Variants in LIPC observed in about 807,000 individuals in gnomAD.
The protein encoded by LIPC is lipase C, hepatic type, also known as hepatic triacylglycerol lipase.
A neutral mutation model predicts 50.7 loss-of-function variants in LIPC; 44 were observed. That is an observed-to-expected ratio of 0.87 (90% CI 0.68 to 1.11). The LOEUF is 1.11. LIPC is among the 50% of genes most tolerant of loss of function. LIPC has a pLI of 0.00. For synonymous variants in LIPC, 271 were observed against 256.4 expected (o/e 1.06, Z -0.54); for missense variants, 697 against 648.2 (o/e 1.08, Z -0.82).
At chr15:58,549,550 G>A (rs1418067571) in intron 6 of LIPC, among the ~76,000 whole-genome samples, 7 of 152,218 alleles carry the variant, frequency 4.6e-5, no homozygotes, top group East Asian at 1.9e-4. Flanking sequence ...AGCAAAACTC[G>A]CGTGGGGTGC....
intron 8 of LIPC, among the ~76,000 whole-genome samples, chr15:58,567,585 T>C (rs1239282767): frequency 6.6e-5 from 10 of 151,868 alleles, no homozygotes; most frequent in Admixed American, 5.3e-4. Context: ...ATACTATACA[T>C]AATAAGTAAA....
At chr15:58,457,078 G>A (rs1316162313) in intron 1 of LIPC, among the ~76,000 whole-genome samples, 1 of 152,142 alleles carries the variant, frequency 6.6e-6, no homozygotes, top group Admixed American at 6.5e-5. Context: ...TGGGCGATGT[G>A]GGCTGAGCAG....
intron 1 of LIPC, among the ~76,000 whole-genome samples, chr15:58,450,972 A>G (rs1746954944): frequency 6.6e-6 from 1 of 152,172 alleles, no homozygotes. Flanking sequence ...ACTTCACATT[A>G]TAAGCCATGA....
At position 58,557,133 on chromosome 15, in the gene LIPC, T is replaced by C. The variant is rs1214311754; in HGVS notation, c.1052-3731T>C. Reference sequence around the variant, plus strand: ...AAGCTAGTGGTCCTGGGTATAAACATGTAAAAGTTCAAGTTCTGGAGTCAG... The same window carrying C: ...AAGCTAGTGGTCCTGGGTATAAACACGTAAAAGTTCAAGTTCTGGAGTCAG... On this transcript the variant is annotated intron_variant, in intron 6 of 8. Coordinates refer to ENST00000299022, the MANE Select transcript of LIPC (RefSeq NM_000236.3). Among the ~76,000 whole-genome samples, 3 of 152,146 alleles carry C rather than the reference T, an allele frequency of 2.0e-5. No individual in the cohort carries two copies. In the East Asian group the frequency reaches 5.8e-4, roughly 29 times the overall value.
At chr15:58,563,974 C>A in intron 8 of LIPC, 1 of 507,760 alleles carries the variant, frequency 2.0e-6, no homozygotes, top group Middle Eastern at 5.5e-4. Flanking sequence ...ACGCTGCCTG[C>A]CTCTGGAGCC....
At chr15:58,460,244 T>G (rs1894292313) in intron 1 of LIPC, among the ~76,000 whole-genome samples, 1 of 152,238 alleles carries the variant, frequency 6.6e-6, no homozygotes, top group Non-Finnish European at 1.5e-5. Flanking sequence ...AAATAAAGTT[T>G]TGGCTTTTTC....
At chr15:58,520,109 G>A (rs529712170) in intron 1 of LIPC, among the ~76,000 whole-genome samples, 10 of 120,702 alleles carry the variant, frequency 8.3e-5, no homozygotes, top group Non-Finnish European at 1.2e-4. Context: ...CAGGTTTTGG[G>A]CTGTTTTTTT....
chr15:58,549,186 G>A (rs1893656783), intron 6 of LIPC, among the ~76,000 whole-genome samples: 1 of 152,206 alleles, frequency 6.6e-6, no homozygotes. Context: ...GTCTTAGGCT[G>A]AGGCCAGCAG....
intron 1 of LIPC, among the ~76,000 whole-genome samples, chr15:58,480,270 C>CTTCA (rs1173835424): frequency 3.9e-5 from 6 of 152,142 alleles, no homozygotes; most frequent in East Asian, 1.9e-4. Context: ...TGTCCATAAG[C>CTTCA]TTCATTCATT....
intron 1 of LIPC, among the ~76,000 whole-genome samples, chr15:58,437,648 C>G (rs2140631723): frequency 6.6e-6 from 1 of 152,224 alleles, no homozygotes; most frequent in South Asian, 2.1e-4. Context: ...CAGCACCCAA[C>G]TTTGCAGGTT....
intron 1 of LIPC, among the ~76,000 whole-genome samples, chr15:58,483,883 T>C (rs1446082276): frequency 6.6e-6 from 1 of 152,208 alleles, no homozygotes; most frequent in Non-Finnish European, 1.5e-5. Flanking sequence ...ATTCCCTCCA[T>C]ACTTAAAGGG....
chr15:58,497,934 T>C (rs1595898470), intron 1 of LIPC: 1 of 152,210 alleles, frequency 6.6e-6, no homozygotes, highest in African/African-American at 2.4e-5. Context: ...GTATTCATGA[T>C]GTATTTTTTT....
At chr15:58,460,781 C>T (rs185026529) in intron 1 of LIPC, among the ~76,000 whole-genome samples, 109 of 152,256 alleles carry the variant, frequency 7.2e-4, no homozygotes, top group Admixed American at 1.6e-3. Context: ...TAGAGAACAG[C>T]CAGCGAGAAT....
At chr15:58,439,398 C>A (rs552289112) in intron 1 of LIPC, among the ~76,000 whole-genome samples, 7 of 152,242 alleles carry the variant, frequency 4.6e-5, no homozygotes, top group African/African-American at 1.2e-4. Context: ...GATCAGTGAT[C>A]CTGGAACTGT....
At chr15:58,466,693 CT>C (rs1894576508) in intron 1 of LIPC, among the ~76,000 whole-genome samples, 1 of 152,184 alleles carries the variant, frequency 6.6e-6, no homozygotes, top group African/African-American at 2.4e-5. Flanking sequence ...ATGGCTTTGT[CT>C]GCATCAAAGG....
At chr15:58,546,304 G>A (rs1433371531) in intron 5 of LIPC, among the ~76,000 whole-genome samples, 8 of 152,196 alleles carry the variant, frequency 5.3e-5, no homozygotes, top group African/African-American at 1.4e-4. Context: ...AGTTGAGTCC[G>A]GATGCCTGTG....
At chr15:58,530,241 TC>T (rs1892916924) in intron 1 of LIPC, among the ~76,000 whole-genome samples, 1 of 152,206 alleles carries the variant, frequency 6.6e-6, no homozygotes, top group Non-Finnish European at 1.5e-5. Context: ...CTTGGCCATC[TC>T]CGGCCTGAAG....
chr15:58,512,686 G>C (rs1229622139), intron 1 of LIPC, among the ~76,000 whole-genome samples: 4 of 152,188 alleles, frequency 2.6e-5, no homozygotes, highest in Non-Finnish European at 5.9e-5. Flanking sequence ...TGGTCACAGG[G>C]TCAGAGCTTC....
intron 6 of LIPC, among the ~76,000 whole-genome samples, chr15:58,553,584 C>A (rs1321577738): frequency 6.6e-6 from 1 of 152,046 alleles, no homozygotes; most frequent in Non-Finnish European, 1.5e-5. Flanking sequence ...CAGAGTGAGA[C>A]CCTGTTTCAA....
Sources: allele counts gnomAD v4.1 joint callset (sites outside exome capture counted in the v4.1 genomes callset), GRCh38; gene constraint gnomAD v4.1.1; transcripts MANE v1.5; gene names NCBI Gene and HGNC (gene_info 2026-07-23, HGNC 2026-07-21).